Variants in UBE3A observed in about 807,000 individuals in gnomAD.
The protein encoded by UBE3A is ubiquitin protein ligase E3A.
Under a neutral mutation model 83.4 loss-of-function variants are expected in UBE3A, and 6 were observed. The ratio of observed to expected loss-of-function variants is 0.07; its 90% CI spans 0.04 to 0.14. The LOEUF is 0.14. Ranked by LOEUF, UBE3A falls within the 10% of genes least tolerant of loss-of-function variation. UBE3A has a pLI of 1.00. For synonymous variants in UBE3A, 337 were observed against 355.4 expected (o/e 0.95, Z 0.58); for missense variants, 456 against 1,036.1 (o/e 0.44, Z 7.69).
At chr15:25,351,504 C>T (rs1344214117) in intron 11 of UBE3A, among the ~76,000 whole-genome samples, 1 of 152,206 alleles carries the variant, frequency 6.6e-6, no homozygotes, top group East Asian at 1.9e-4. Flanking sequence ...GAATCTCACT[C>T]TGTTGCCCAG....
At chr15:25,406,688 TCACACACACACACA>T (rs60819760) in intron 3 of UBE3A, among the ~76,000 whole-genome samples, 28 of 148,588 alleles carry the variant, frequency 1.9e-4, no homozygotes, top group African/African-American at 5.4e-4. Flanking sequence ...TTAAAATCAG[TCACACACACACACA>T]CACACACACA....
At chr15:25,351,422 C>A (rs2076487357) in intron 11 of UBE3A, among the ~76,000 whole-genome samples, 1 of 152,148 alleles carries the variant, frequency 6.6e-6, no homozygotes. Context: ...TAAGTTATTC[C>A]TACAAACCAA....
intron 6 of UBE3A, among the ~76,000 whole-genome samples, chr15:25,362,007 A>G (rs1225440163): frequency 1.3e-5 from 2 of 152,216 alleles, no homozygotes; most frequent in African/African-American, 2.4e-5. Flanking sequence ...TGTCACCTGC[A>G]ACTCATTAGT....
chr15:25,403,070 C>G (rs1044061939), intron 4 of UBE3A, among the ~76,000 whole-genome samples: 5 of 152,200 alleles, frequency 3.3e-5, no homozygotes, highest in Admixed American at 2.0e-4. Context: ...TGATTCTGTT[C>G]CATCAGCTCT....
rs777939065 is a variant in UBE3A at position 25,372,756 on chromosome 15, T to G, written c.362-944A>C. The stretch of plus-strand genomic sequence containing the variant: ...TTAATTCTCCCTTTTATCAATAAAG[T>G]GACATACTTGTCATCATCAGATTAA... On this transcript the variant is annotated intron_variant, in intron 5 of 12. Transcript: ENST00000648336. 8.0e-4 allele frequency among the ~76,000 whole-genome samples: 122 copies of G among 152,330 alleles called. 1 individual carries two copies. Among genetic ancestry groups the G allele is most frequent in the Admixed American group, 2.4e-3 (37 of 15,306 alleles).
At chr15:25,426,822 T>C (rs1309664303) in intron 1 of UBE3A, among the ~76,000 whole-genome samples, 2 of 150,304 alleles carry the variant, frequency 1.3e-5, no homozygotes, top group Non-Finnish European at 3.0e-5. Context: ...ATGTGGCTGG[T>C]TATAATTTTT....
At chr15:25,434,121 C>G (rs1894297778) in intron 1 of UBE3A, among the ~76,000 whole-genome samples, 1 of 152,070 alleles carries the variant, frequency 6.6e-6, no homozygotes, top group African/African-American at 2.4e-5. Flanking sequence ...ACTTCACTCT[C>G]AGATAGGCCT....
chr15:25,356,895 A>T lies in UBE3A; in HGVS notation c.1755T>A (p.Gly585=). The part of the protein sequence containing the change: ...VVEEIFNPDI[G]MFTYDESTKL... ...TTGTAGATTCATCGTATGTGAACATACCTATAAGAAATGATTTTTAAAAAT... is the reference window on the plus strand; with the variant it reads ...TTGTAGATTCATCGTATGTGAACATTCCTATAAGAAATGATTTTTAAAAAT... Residue 585 remains glycine (G), a splice_region_variant and synonymous_variant, in exon 8 of 13, where the codon GGT becomes GGA. Transcript: ENST00000648336. 6.2e-7 allele frequency: 1 copy of T among 1,610,574 alleles called. No individual in the cohort carries two copies. Among genetic ancestry groups the T allele is most frequent in the Non-Finnish European group, 8.5e-7 (1 of 1,177,314 alleles).
chr15:25,353,693 C>T (rs1254166712), intron 11 of UBE3A, among the ~76,000 whole-genome samples: 1 of 152,180 alleles, frequency 6.6e-6, no homozygotes. Flanking sequence ...TACGTGTTTG[C>T]ATGCCTTCTC....
chr15:25,430,125 GATTATATATATATTATATATATAAT>G (rs1892829349), intron 1 of UBE3A, among the ~76,000 whole-genome samples: 1 of 53,242 alleles, frequency 1.9e-5, no homozygotes, highest in Non-Finnish European at 3.0e-5. Context: ...ATATATATAA[GATTATATATATATTATATATATAAT>G]ACATATATAT....
intron 8 of UBE3A, 100 bp from the exon 9 acceptor site, chr15:25,356,156 T>A: frequency 7.0e-7 from 1 of 1,424,246 alleles, no homozygotes. Context: ...ATCTTATCAA[T>A]AAAAATTGTA....
chr15:25,400,885 A>C (rs1410758826), intron 4 of UBE3A, among the ~76,000 whole-genome samples: 1 of 152,230 alleles, frequency 6.6e-6, no homozygotes, highest in Non-Finnish European at 1.5e-5. Flanking sequence ...TCCTGATCTC[A>C]AAAGAAAAGC....
chr15:25,375,445 T>C lies in UBE3A; in HGVS notation c.361+20A>G, dbSNP rs767330376. On this transcript the variant is annotated intron_variant, in intron 5 of 12. Coordinates refer to ENST00000648336, the MANE Select transcript of UBE3A (RefSeq NM_130839.5). ...ATGGTTTTCAGGCAACAATTCTCAA[T>C]TGAAAATAAAACATCTTACCTTTAA... 1.9e-6 allele frequency: 3 copies of C among 1,612,500 alleles called. No homozygotes were observed. The highest frequency in any genetic ancestry group is 1.8e-4 in the Middle Eastern group (1 of 5,688).
intron 3 of UBE3A, chr15:25,408,741 TTTAG>T (rs2089295059): frequency 7.0e-7 from 1 of 1,429,766 alleles, no homozygotes; most frequent in Admixed American, 2.2e-5. Flanking sequence ...TAGAGAAATG[TTTAG>T]TTAAAACGTT....
chr15:25,409,882 G>T (rs1426564191), intron 2 of UBE3A, among the ~76,000 whole-genome samples: 2 of 151,648 alleles, frequency 1.3e-5, no homozygotes, highest in African/African-American at 4.8e-5. Context: ...AATTCTGTAT[G>T]TACGTAAAGT....
At chr15:25,367,159 A>C (rs1280310717) in intron 6 of UBE3A, among the ~76,000 whole-genome samples, 2 of 145,800 alleles carry the variant, frequency 1.4e-5, no homozygotes, top group African/African-American at 5.3e-5. Context: ...GAACACACAA[A>C]TGGGTATATT....
chr15:25,425,620 GTTAAACACAC>G (rs1248506762), intron 1 of UBE3A, among the ~76,000 whole-genome samples: 3 of 151,780 alleles, frequency 2.0e-5, no homozygotes, highest in Non-Finnish European at 4.4e-5. Context: ...TCCCTCTACA[GTTAAACACAC>G]TTAACAACTG....
At chr15:25,418,909 C>T (rs1888316684) in intron 1 of UBE3A, 1 of 152,080 alleles carries the variant, frequency 6.6e-6, no homozygotes, top group African/African-American at 2.4e-5. Context: ...CCATGGATCC[C>T]AAAATCCAAG....
intron 6 of UBE3A, among the ~76,000 whole-genome samples, chr15:25,368,475 G>C (rs2079705593): frequency 6.6e-6 from 1 of 152,072 alleles, no homozygotes; most frequent in South Asian, 2.1e-4. Context: ...CCCTAAGGAA[G>C]CTTCTCTGTA....
Sources: allele counts gnomAD v4.1 joint callset (sites outside exome capture counted in the v4.1 genomes callset), GRCh38; gene constraint gnomAD v4.1.1; transcripts MANE v1.5; gene names NCBI Gene and HGNC (gene_info 2026-07-23, HGNC 2026-07-21).